RICTOR: variants seen among roughly 807,000 people sequenced by gnomAD.
The protein encoded by RICTOR is rapamycin-insensitive companion of mTOR.
RICTOR carries 49 observed loss-of-function variants against 214.9 expected under a neutral mutation model. The observed-to-expected ratio is 0.23, with a 90% CI of 0.18 to 0.29. RICTOR has a LOEUF of 0.29. RICTOR is among the 10% of genes least tolerant of loss of function. The pLI, the probability that RICTOR is intolerant of heterozygous loss-of-function variation, is 1.00. For synonymous variants in RICTOR, 717 were observed against 711.3 expected, an observed-to-expected ratio of 1.01 and a Z score of -0.13; for missense variants, 1,625 against 2,047.0, an observed-to-expected ratio of 0.79 and a Z score of 3.98.
intron 2 of RICTOR, among the ~76,000 whole-genome samples, chr5:39,039,414 T>G (rs1437294746): frequency 1.3e-5 from 2 of 152,130 alleles, no homozygotes; most frequent in African/African-American, 4.8e-5. Flanking sequence ...GGGCAAAGAC[T>G]TCATGTCTAA....
rs774111455 is a variant in RICTOR, at chr5:38,949,424, G to A, written c.4136+288C>T. On this transcript the variant is annotated intron_variant, in intron 31 of 37. Transcript: ENST00000357387. ...CCCCGACATGCTTCTTTTTAAAATC[G>A]ATCCTTGCAGAAGCGAGAAATAAAT... 3.0e-5 allele frequency: 48 copies of A among 1,589,176 alleles called. No homozygotes were observed. Among genetic ancestry groups the A allele is most frequent in the South Asian group, 2.6e-4 (23 of 89,208 alleles).
chr5:39,009,195 A>G (rs1158275163), intron 3 of RICTOR, among the ~76,000 whole-genome samples: 1 of 152,122 alleles, frequency 6.6e-6, no homozygotes, highest in East Asian at 1.9e-4. Flanking sequence ...TTCCTGCATT[A>G]TATTTTTCAT....
chr5:39,065,578 C>G (rs1758848404), intron 2 of RICTOR, among the ~76,000 whole-genome samples: 1 of 152,206 alleles, frequency 6.6e-6, no homozygotes, highest in South Asian at 2.1e-4. Context: ...TCATCTGAAA[C>G]AAGGCAAGTC....
intron 3 of RICTOR, among the ~76,000 whole-genome samples, chr5:39,015,570 C>T (rs892625260): frequency 1.5e-4 from 22 of 151,558 alleles, no homozygotes; most frequent in African/African-American, 2.4e-4. Flanking sequence ...AGGTAGAGGC[C>T]GGGGCAGTGC....
In RICTOR at chr5:38,957,575, A is replaced by C; in HGVS notation, c.2499+77T>G. ...TAATTTCAAAACACTGATATAAAAA[A>C]ACCATCCTCTAAATTCACAAATCAA... On this transcript the variant is annotated intron_variant, in intron 25 of 37. Transcript: ENST00000357387. 4 of 814,266 alleles carry C rather than the reference A, an allele frequency of 4.9e-6. No homozygotes were observed. The Middle Eastern group carries it at 8.1e-4, about 165-fold the overall frequency. The allele number at this position is 814,266 out of a possible 1,614,324, so 50.4% of individuals were successfully genotyped here.
intron 10 of RICTOR, 54 bp downstream of exon 10, chr5:38,975,483 A>G: frequency 8.2e-7 from 1 of 1,212,172 alleles, no homozygotes; most frequent in South Asian, 1.2e-5. Flanking sequence ...AACATTTGAA[A>G]AAGCAGTCTA....
intron 2 of RICTOR, among the ~76,000 whole-genome samples, chr5:39,027,364 TA>T (rs1238246748): frequency 6.6e-6 from 1 of 151,872 alleles, no homozygotes; most frequent in Non-Finnish European, 1.5e-5. Flanking sequence ...TAAATGAGTA[TA>T]AAAAACATGC....
chr5:38,963,055 C>T lies in RICTOR; in HGVS notation c.1401-14G>A. ...GCACTGGCTCGCCTAATGAGAAAAA[C>T]AATTCAATCAATACAGTAGCAAGAC... is the stretch of plus-strand genomic sequence containing the variant. On this transcript the variant is annotated splice_polypyrimidine_tract_variant and intron_variant, in intron 16 of 37. Transcript: ENST00000357387. 1 of 1,594,020 alleles carries T rather than the reference C, an allele frequency of 6.3e-7. No homozygotes were observed. Among genetic ancestry groups the T allele is most frequent in the African/African-American group, 1.3e-5 (1 of 74,472 alleles).
At chr5:39,046,388 A>G (rs1345672102) in intron 2 of RICTOR, among the ~76,000 whole-genome samples, 4 of 151,326 alleles carry the variant, frequency 2.6e-5, no homozygotes, top group Admixed American at 2.0e-4. Flanking sequence ...AAAAAAAAAA[A>G]AAGAAGAAGA....
At chr5:39,069,259 C>T (rs1022774675) in intron 2 of RICTOR, among the ~76,000 whole-genome samples, 1 of 152,014 alleles carries the variant, frequency 6.6e-6, no homozygotes, top group African/African-American at 2.4e-5. Context: ...GTCTGTAGAG[C>T]CTTCAAAAAA....
In RICTOR at chr5:38,978,615, T is replaced by C; in HGVS notation, c.789A>G (p.Arg263=). The change falls in exon 9 of 38, where the codon AGA becomes AGG. Residue 263 remains arginine (R), a synonymous_variant. Coordinates refer to ENST00000357387, the MANE Select transcript of RICTOR (RefSeq NM_152756.5). Reference sequence around the variant, plus strand: ...GTCCTTCAGCTGTATCTGGACTATGTCTGTAGTGAAAATCAGTATAGGGTG... The same window carrying C: ...GTCCTTCAGCTGTATCTGGACTATGCCTGTAGTGAAAATCAGTATAGGGTG... The part of the protein sequence containing the change: ...ILAPYTDFHY[R]HSPDTAEGQL... The C allele has an allele frequency of 6.3e-7, 1 of 1,575,714 alleles. No individual in the cohort carries two copies. Among genetic ancestry groups the C allele is most frequent in the East Asian group, 2.2e-5 (1 of 44,474 alleles).
In RICTOR at chr5:38,957,585, T is replaced by C. The variant is rs531181569; in HGVS notation, c.2499+67A>G. The C allele has an allele frequency of 8.0e-6, 7 of 878,270 alleles. No individual in the cohort carries two copies. In the East Asian group the frequency reaches 1.5e-4, roughly 19 times the overall value. 54.4% of individuals were successfully genotyped at this position (878,270 alleles called of 1,614,324 possible). ...ACACTGATATAAAAAAACCATCCTC[T>C]AAATTCACAAATCAATTTCAGAAGA... On this transcript the variant is annotated intron_variant, in intron 25 of 37. Coordinates refer to ENST00000357387, the MANE Select transcript of RICTOR (RefSeq NM_152756.5).
In RICTOR at chr5:38,994,451, A is replaced by AAAAAAAAAAAAAAG. The variant is rs1304761708; in HGVS notation, c.456+2367_456+2368insCTTTTTTTTTTTTT. ...AAAAAAAAAAAAAAAAAAAAAAAAA[A>AAAAAAAAAAAAAAG]AGTGCTTCAGATGCCAAAAGCACTA... On this transcript the variant is annotated intron_variant, in intron 6 of 37. Transcript: ENST00000357387. Among the ~76,000 whole-genome samples the AAAAAAAAAAAAAAG allele has an allele frequency of 4.7e-3, 473 of 101,550 alleles. 121 individuals are homozygous for AAAAAAAAAAAAAAG. Among genetic ancestry groups the AAAAAAAAAAAAAAG allele is most frequent in the East Asian group, 5.4e-3 (19 of 3,494 alleles). 66.6% of individuals were successfully genotyped at this position (101,550 alleles called of 152,430 possible).
chr5:38,959,171 T>A, intron 22 of RICTOR, 24 bp downstream of exon 22: 2 of 1,533,370 alleles, frequency 1.3e-6, no homozygotes. Context: ...ATAAATATAG[T>A]TTTACTGGCT....
rs1554057737 is a variant in RICTOR at position 38,940,130 on chromosome 5, T to TAAAAAAAAAAA, written c.*2163_*2173dup. 1.1e-4 allele frequency: 9 copies of TAAAAAAAAAAA among 80,474 alleles called. No homozygotes were observed. Among genetic ancestry groups the TAAAAAAAAAAA allele is most frequent in the South Asian group, 5.1e-4 (1 of 1,968 alleles). 5.0% of individuals were successfully genotyped at this position (80,474 alleles called of 1,614,324 possible). A position where few individuals can be genotyped will look rare whatever the true frequency, so the allele number is the denominator to read the frequency against. Reference sequence around the variant, plus strand: ...ACATACATATTTTTCAAAGTAACAGTAAAAAAAAAAAACAAAAAAAAAAAC... The same window carrying TAAAAAAAAAAA: ...ACATACATATTTTTCAAAGTAACAGTAAAAAAAAAAAAAAAAAAAAAAACAAAAAAAAAAAC... On this transcript the variant is annotated 3_prime_UTR_variant, in exon 38 of 38. Coordinates refer to ENST00000357387, the MANE Select transcript of RICTOR (RefSeq NM_152756.5).
At chr5:38,997,006 G>T in intron 5 of RICTOR, 124 bp from the exon 6 acceptor site, 1 of 682,228 alleles carries the variant, frequency 1.5e-6, no homozygotes, top group Non-Finnish European at 2.6e-6. Flanking sequence ...TTTGGTATAT[G>T]ATTTCTCAGT....
intron 3 of RICTOR, among the ~76,000 whole-genome samples, chr5:39,017,520 GTCAATGTTTTTAAA>G (rs1329514677): frequency 6.6e-6 from 1 of 151,382 alleles, no homozygotes; most frequent in Non-Finnish European, 1.5e-5. Context: ...CCAGTACCTA[GTCAATGTTTTTAAA>G]AGCTGTTTTT....
At chr5:38,972,001 TC>T in intron 10 of RICTOR, 42 bp from the exon 11 acceptor site, 1 of 880,576 alleles carries the variant, frequency 1.1e-6, no homozygotes, top group Non-Finnish European at 1.8e-6. Flanking sequence ...GACATGAATT[TC>T]AAAAAAATTT....
rs2150014906 is a variant in RICTOR, at chr5:38,958,826, G to A, written c.2184C>T (p.Cys728=). 1.3e-6 allele frequency: 2 copies of A among 1,576,088 alleles called. No individual in the cohort carries two copies. The highest frequency in any genetic ancestry group is 1.9e-5 in the Admixed American group (1 of 53,092). ...TTAAATGTTTTGTTGCATAGAGTCTGCAGGCCTATAAGGATAAATGAATAC... is the reference window on the plus strand; with the variant it reads ...TTAAATGTTTTGTTGCATAGAGTCTACAGGCCTATAAGGATAAATGAATAC... ...SKILTAATDA[C]RLYATKHLRV... is the part of the protein sequence containing the mutation. The change falls in exon 23 of 38, where the codon TGC becomes TGT. Residue 728 remains cysteine (C), a synonymous_variant. Coordinates refer to ENST00000357387, the MANE Select transcript of RICTOR (RefSeq NM_152756.5).
Sources: allele counts gnomAD v4.1 joint callset (sites outside exome capture counted in the v4.1 genomes callset), GRCh38; gene constraint gnomAD v4.1.1; transcripts MANE v1.5; gene names NCBI Gene and HGNC (gene_info 2026-07-23, HGNC 2026-07-21).